The following PCDHA10 variants were observed in gnomAD, a reference collection of about 807,000 sequenced individuals.
The protein encoded by PCDHA10 is protocadherin alpha-10.
Under a neutral mutation model 61.2 loss-of-function variants are expected in PCDHA10, and 45 were observed. The observed-to-expected ratio is 0.74, with a 90% CI of 0.58 to 0.94. The LOEUF (loss-of-function observed/expected upper bound fraction) is 0.94. Ranked by LOEUF, PCDHA10 falls within the 40% of genes least tolerant of loss-of-function variation. The pLI, the probability that PCDHA10 is intolerant of heterozygous loss-of-function variation, is 0.00. For missense variants in PCDHA10, 1,278 were observed against 1,236.2 expected (o/e 1.03, Z -0.51); for synonymous variants, 602 against 548.8 (o/e 1.10, Z -1.35).
At chr5:140,946,610 A>AT (rs2093970425) in intron 1 of PCDHA10, among the ~76,000 whole-genome samples, 1 of 119,932 alleles carries the variant, frequency 8.3e-6, no homozygotes, top group African/African-American at 3.4e-5. Flanking sequence ...AGAAAATGTG[A>AT]AATATATATA....
At chr5:140,913,235 G>A (rs1554195817) in intron 1 of PCDHA10, among the ~76,000 whole-genome samples, 4 of 152,144 alleles carry the variant, frequency 2.6e-5, no homozygotes. Context: ...TTTGCTGGGA[G>A]ACTTTTTGTT....
intron 1 of PCDHA10, among the ~76,000 whole-genome samples, chr5:140,875,040 T>C (rs1369679625): frequency 2.0e-5 from 3 of 152,340 alleles, no homozygotes; most frequent in Admixed American, 2.0e-4. Flanking sequence ...ATTTGAAAGA[T>C]TTCTACTTTG....
At chr5:140,907,341 G>A (rs376587538) in intron 1 of PCDHA10, among the ~76,000 whole-genome samples, 1 of 152,326 alleles carries the variant, frequency 6.6e-6, no homozygotes, top group South Asian at 2.1e-4. Context: ...ATATGCATGA[G>A]CCCGCTGCTG....
intron 1 of PCDHA10, chr5:140,875,866 G>T: frequency 6.2e-7 from 1 of 1,614,192 alleles, no homozygotes; most frequent in Non-Finnish European, 8.5e-7. Context: ...CAACCCGCCG[G>T]TGTTCAGAGA....
At chr5:140,993,364 T>G (rs1285844193) in intron 3 of PCDHA10, among the ~76,000 whole-genome samples, 1 of 151,930 alleles carries the variant, frequency 6.6e-6, no homozygotes, top group Non-Finnish European at 1.5e-5. Flanking sequence ...TCACAAAAAC[T>G]ACCTCCCAGC....
intron 3 of PCDHA10, among the ~76,000 whole-genome samples, chr5:140,993,129 G>A (rs1216210971): frequency 6.6e-6 from 1 of 152,160 alleles, no homozygotes; most frequent in Non-Finnish European, 1.5e-5. Flanking sequence ...ATTTCCTTCT[G>A]TTGCAACAAG....
At chr5:140,869,526 G>C (rs1363521095) in intron 1 of PCDHA10, 1 of 1,614,194 alleles carries the variant, frequency 6.2e-7, no homozygotes, top group Non-Finnish European at 8.5e-7. Context: ...AAAAGCTGCT[G>C]ATTGCGGAAT....
chr5:140,890,192 T>G (rs2062533503), intron 1 of PCDHA10, among the ~76,000 whole-genome samples: 1 of 151,744 alleles, frequency 6.6e-6, no homozygotes, highest in South Asian at 2.1e-4. Flanking sequence ...CAAAACAGAG[T>G]TTTTTGTTTT....
chr5:140,884,101 G>T lies in PCDHA10; in HGVS notation c.2388+25665G>T, dbSNP rs782222820. 6 of 1,613,486 alleles carry T rather than the reference G, an allele frequency of 3.7e-6. No individual in the cohort carries two copies. The highest frequency in any genetic ancestry group is 3.3e-4 in the Middle Eastern group (2 of 6,042). On this transcript the variant is annotated intron_variant, in intron 1 of 3. Coordinates refer to ENST00000307360, the MANE Select transcript of PCDHA10 (RefSeq NM_018901.4). ...ACAATGCGTGGCTTTCGTATGAATT[G>T]CAGCTGGCGGCGGTCGGCGCGCGCA...
intron 1 of PCDHA10, among the ~76,000 whole-genome samples, chr5:140,925,526 C>T (rs2153578026): frequency 6.6e-6 from 1 of 152,028 alleles, no homozygotes; most frequent in Non-Finnish European, 1.5e-5. Flanking sequence ...AAATTAAAAG[C>T]GAGGAGAAAT....
At chr5:140,875,893 C>T (rs781840611) in intron 1 of PCDHA10, 1 of 1,614,140 alleles carries the variant, frequency 6.2e-7, no homozygotes, top group Non-Finnish European at 8.5e-7. Flanking sequence ...ACAAAAGGTA[C>T]CTGTTTCTGA....
intron 1 of PCDHA10, chr5:140,876,038 G>C: frequency 6.2e-7 from 1 of 1,613,822 alleles, no homozygotes; most frequent in East Asian, 2.2e-5. Flanking sequence ...AAAGATAAAA[G>C]TATATTGCCT....
chr5:140,869,864 A>C (rs1554163548), intron 1 of PCDHA10: 1 of 1,610,504 alleles, frequency 6.2e-7, no homozygotes, highest in African/African-American at 1.3e-5. Context: ...CTTATGGAAA[A>C]TGCTGCTAAA....
chr5:140,928,821 C>A (rs2085565750), intron 1 of PCDHA10: 3 of 1,614,142 alleles, frequency 1.9e-6, no homozygotes, highest in Non-Finnish European at 2.5e-6. Context: ...ACCATGGAGA[C>A]CCACCACTTT....
In PCDHA10 at chr5:141,010,350, G is replaced by A; in HGVS notation, c.*413G>A. The A allele has an allele frequency of 6.6e-7, 1 of 1,515,722 alleles. No individual in the cohort carries two copies. Among genetic ancestry groups the A allele is most frequent in the Non-Finnish European group, 8.8e-7 (1 of 1,132,152 alleles). The allele number at this position is 1,515,722 out of a possible 1,614,324, so 93.9% of individuals were successfully genotyped here. A position where few individuals can be genotyped will look rare whatever the true frequency, so the allele number is the denominator to read the frequency against. ...GGGAGTTTGTGGCCACTGGGTATGT[G>A]TGGCTACCGCGGGTATGCGAGTGCC... is the stretch of plus-strand genomic sequence containing the variant. On this transcript the variant is annotated 3_prime_UTR_variant, in exon 4 of 4. Transcript: ENST00000307360.
intron 1 of PCDHA10, chr5:140,871,382 A>G (rs781900960): frequency 1.2e-6 from 2 of 1,614,188 alleles, no homozygotes; most frequent in South Asian, 2.2e-5. Flanking sequence ...GTGTGCTCTG[A>G]GGAGGGCCCA....
intron 1 of PCDHA10, among the ~76,000 whole-genome samples, chr5:140,949,557 T>C (rs955949496): frequency 6.6e-6 from 1 of 151,888 alleles, no homozygotes; most frequent in Non-Finnish European, 1.5e-5. Flanking sequence ...CTGGTCATAC[T>C]TTTTTTCTTG....
intron 1 of PCDHA10, among the ~76,000 whole-genome samples, chr5:140,941,795 T>G (rs1175900170): frequency 5.9e-5 from 9 of 152,226 alleles, no homozygotes; most frequent in Admixed American, 2.6e-4. Flanking sequence ...CCAAGAATAT[T>G]TAGTTGATTT....
chr5:140,895,315 A>C (rs541841623), intron 1 of PCDHA10, among the ~76,000 whole-genome samples: 2 of 152,036 alleles, frequency 1.3e-5, no homozygotes, highest in East Asian at 1.9e-4. Flanking sequence ...TCCACCCATG[A>C]CTATTGTTCT....
Sources: allele counts gnomAD v4.1 joint callset (sites outside exome capture counted in the v4.1 genomes callset), GRCh38; gene constraint gnomAD v4.1.1; transcripts MANE v1.5; gene names NCBI Gene and HGNC (gene_info 2026-07-23, HGNC 2026-07-21).